RP1: variants seen among roughly 807,000 people sequenced by gnomAD.
RP1 encodes the protein oxygen-regulated protein 1.
In RP1, 16 loss-of-function variants were observed where a neutral mutation model predicts 14.8. The observed-to-expected ratio is 1.08, with a 90% CI of 0.73 to 1.65. RP1 has a LOEUF of 1.65. RP1 is among the 40% of genes most tolerant of loss of function. The pLI is 0.00. For missense variants in RP1, 2,631 were observed against 2,535.0 expected (o/e 1.04, Z -0.81); for synonymous variants, 876 against 883.6 (o/e 0.99, Z 0.15).
At chr8:54,661,206 T>G (rs1176069277) in intron 6 of RP1, among the ~76,000 whole-genome samples, 1 of 147,326 alleles carries the variant, frequency 6.8e-6, no homozygotes, top group Non-Finnish European at 1.5e-5. Flanking sequence ...TATATAATTA[T>G]ATTATTATAT....
At chr8:54,751,490 A>G (rs1178158581) in intron 19 of RP1, among the ~76,000 whole-genome samples, 1 of 152,236 alleles carries the variant, frequency 6.6e-6, no homozygotes, top group Admixed American at 6.5e-5. Flanking sequence ...TCACTGATCC[A>G]CCAAAAAATG....
At chr8:54,623,272 C>T (rs532358559) in intron 3 of RP1, among the ~76,000 whole-genome samples, 41 of 152,040 alleles carry the variant, frequency 2.7e-4, no homozygotes, top group Non-Finnish European at 5.0e-4. Flanking sequence ...TACAGATTGC[C>T]GAGTATGGTT....
chr8:54,629,519 C>A lies in RP1; in HGVS notation c.5637C>A (p.Tyr1879Ter). The part of the protein sequence containing the change: ...HSFISAGNKV[Y>*]PVSDDAIKNQ... ...TTATTTCTGCTGGTAACAAAGTCTA[C>A]CCTGTCTCTGATGATGCTATTAAAA... is the stretch of plus-strand genomic sequence containing the variant. The change falls in exon 4 of 4, where the codon TAC (tyrosine) becomes TAA (stop). Residue 1879 changes from tyrosine to a stop codon, truncating the protein, a stop_gained. Transcript: ENST00000220676. LOFTEE classifies it low-confidence loss of function (END_TRUNC). The A allele has an allele frequency of 6.2e-7, 1 of 1,614,050 alleles. No homozygotes were observed. Among genetic ancestry groups the A allele is most frequent in the Non-Finnish European group, 8.5e-7 (1 of 1,179,962 alleles).
chr8:54,779,595 T>C (rs1810132165), intron 23 of RP1, among the ~76,000 whole-genome samples: 1 of 152,052 alleles, frequency 6.6e-6, no homozygotes, highest in Non-Finnish European at 1.5e-5. Flanking sequence ...AAGAAAAAAA[T>C]GTTATGATCT....
intron 24 of RP1, among the ~76,000 whole-genome samples, chr8:54,816,180 GT>G (rs574795232): frequency 1.8e-3 from 272 of 152,258 alleles, no homozygotes; most frequent in African/African-American, 6.4e-3. Context: ...ATTTAATAAA[GT>G]CACTGACTAC....
chr8:54,670,671 TTATATATATATATATA>T (rs375877155), intron 7 of RP1, among the ~76,000 whole-genome samples: 21 of 62,566 alleles, frequency 3.4e-4, no homozygotes, highest in East Asian at 6.0e-4. Flanking sequence ...ATATATGTTT[TTATATATATATATATA>T]TATATATATA....
intron 15 of RP1, among the ~76,000 whole-genome samples, chr8:54,712,906 A>G (rs1264691516): frequency 2.0e-5 from 3 of 152,216 alleles, no homozygotes; most frequent in African/African-American, 7.2e-5. Context: ...ACAGAATGAA[A>G]ACAGTCCTCT....
intron 24 of RP1, among the ~76,000 whole-genome samples, chr8:54,797,317 A>G (rs549946249): frequency 6.6e-6 from 1 of 152,314 alleles, no homozygotes; most frequent in South Asian, 2.1e-4. Context: ...AGGCTAGGAA[A>G]TAGTTGTGAT....
intron 27 of RP1, among the ~76,000 whole-genome samples, chr8:54,865,060 C>T (rs764037698): frequency 2.0e-5 from 3 of 152,018 alleles, no homozygotes; most frequent in Non-Finnish European, 4.4e-5. Context: ...AATTATACTA[C>T]ATCTGATTTT....
intron 24 of RP1, among the ~76,000 whole-genome samples, chr8:54,818,258 T>C (rs1048625064): frequency 3.3e-5 from 5 of 152,222 alleles, no homozygotes; most frequent in African/African-American, 1.2e-4. Flanking sequence ...AACTGGCTAC[T>C]TTAGCTCAAT....
intron 18 of RP1, among the ~76,000 whole-genome samples, chr8:54,735,399 C>T (rs576292007): frequency 6.6e-6 from 1 of 152,244 alleles, no homozygotes; most frequent in South Asian, 2.1e-4. Flanking sequence ...CACTAATTCA[C>T]CCTTCCAGCC....
chr8:54,799,123 GA>G (rs1341019659), intron 24 of RP1, among the ~76,000 whole-genome samples: 1 of 151,848 alleles, frequency 6.6e-6, no homozygotes, highest in South Asian at 2.1e-4. Flanking sequence ...TTATTTTAAA[GA>G]TGAAATCTTG....
intron 12 of RP1, chr8:54,696,381 T>C (rs1260086670): frequency 1.6e-6 from 1 of 618,016 alleles, no homozygotes; most frequent in African/African-American, 1.8e-5. Flanking sequence ...AATCTAACTT[T>C]GTGCAACACT....
At chr8:54,623,344 T>C (rs1805933158) in intron 3 of RP1, among the ~76,000 whole-genome samples, 1 of 152,200 alleles carries the variant, frequency 6.6e-6, no homozygotes, top group African/African-American at 2.4e-5. Flanking sequence ...TGAGACACTT[T>C]GATTTACAAT....
At chr8:54,631,040 C>T (rs1164933947), downstream of RP1, among the ~76,000 whole-genome samples, 2 of 152,134 alleles carry the variant, frequency 1.3e-5, no homozygotes, top group South Asian at 4.1e-4. Flanking sequence ...AGAAACAAGT[C>T]TTAGGAAACT....
intron 4 of RP1, among the ~76,000 whole-genome samples, chr8:54,649,369 T>C (rs1373308718): frequency 6.6e-6 from 1 of 152,166 alleles, no homozygotes; most frequent in African/African-American, 2.4e-5. Flanking sequence ...TAAACACTTA[T>C]TTTTATGTGG....
chr8:54,710,370 G>T (rs767203178), intron 15 of RP1, among the ~76,000 whole-genome samples: 13 of 152,204 alleles, frequency 8.5e-5, no homozygotes, highest in African/African-American at 2.7e-4. Flanking sequence ...GCATCCAGAT[G>T]GGGGTGCCTG....
intron 1 of RP1, among the ~76,000 whole-genome samples, chr8:54,564,667 G>A (rs1455964484): frequency 1.3e-5 from 2 of 152,134 alleles, no homozygotes; most frequent in Non-Finnish European, 2.9e-5. Context: ...TTTCCACTCC[G>A]AACCTTAGAA....
At chr8:54,686,801 A>G (rs1244015974) in intron 12 of RP1, among the ~76,000 whole-genome samples, 1 of 152,174 alleles carries the variant, frequency 6.6e-6, no homozygotes, top group Non-Finnish European at 1.5e-5. Context: ...AATATTTACT[A>G]TAAAATACAG....
Sources: allele counts gnomAD v4.1 joint callset (sites outside exome capture counted in the v4.1 genomes callset), GRCh38; gene constraint gnomAD v4.1.1; transcripts MANE v1.5; gene names NCBI Gene and HGNC (gene_info 2026-07-23, HGNC 2026-07-21).